The following ITK variants were observed in gnomAD, a reference collection of about 807,000 sequenced individuals.
ITK encodes tyrosine-protein kinase ITK/TSK.
ITK carries 45 observed loss-of-function variants against 87.6 expected under a neutral mutation model. The ratio of observed to expected loss-of-function variants is 0.51; its 90% CI spans 0.40 to 0.66. ITK has a LOEUF of 0.66. Among genes scored for constraint, ITK ranks in the 30% least tolerant of loss-of-function variants. The pLI, the probability that ITK is intolerant of heterozygous loss-of-function variation, is 0.00. For missense variants in ITK, 605 were observed against 766.3 expected, an observed-to-expected ratio of 0.79 and a Z score of 2.48; for synonymous variants, 303 against 273.6, an observed-to-expected ratio of 1.11 and a Z score of -1.06.
chr5:157,216,406 AG>A (rs1261318845), intron 4 of ITK, among the ~76,000 whole-genome samples: 5 of 152,228 alleles, frequency 3.3e-5, no homozygotes, highest in Non-Finnish European at 2.9e-5. Context: ...TGTGGAAAGC[AG>A]TACAGCTGCC....
At position 157,208,891 on chromosome 5, in the gene ITK, G is replaced by T. The variant is rs772972728; in HGVS notation, c.141G>T (p.Lys47Asn). 1.2e-6 allele frequency: 2 copies of T among 1,610,862 alleles called. No individual in the cohort carries two copies. Among genetic ancestry groups the T allele is most frequent in the African/African-American group, 2.7e-5 (2 of 74,878 alleles). The change falls in exon 2 of 17, where the codon AAG (lysine) becomes AAT (asparagine). Residue 47 changes from lysine to asparagine, a missense_variant and splice_region_variant. Coordinates refer to ENST00000422843, the MANE Select transcript of ITK (RefSeq NM_005546.4). ...GGGATGTTCTTCTCTCCCCACAGAAGAAGCGCACGCTGAAGGGGTCCATTG... is the reference window on the plus strand; with the variant it reads ...GGGATGTTCTTCTCTCCCCACAGAATAAGCGCACGCTGAAGGGGTCCATTG... ...SLAYFEDRHG[K>N]KRTLKGSIEL...
chr5:157,197,264 GGT>G (rs1753870506), intron 1 of ITK, among the ~76,000 whole-genome samples: 1 of 152,184 alleles, frequency 6.6e-6, no homozygotes, highest in African/African-American at 2.4e-5. Flanking sequence ...GCAGGTGGCA[GGT>G]GCTCTCTAGC....
chr5:157,224,040 T>C (rs1754481922), intron 6 of ITK, among the ~76,000 whole-genome samples: 1 of 152,172 alleles, frequency 6.6e-6, no homozygotes, highest in Admixed American at 6.5e-5. Context: ...TCCCAGCAGT[T>C]TGGGAGGCCA....
At chr5:157,238,222 A>G (rs1262577672) in intron 9 of ITK, 31 bp downstream of exon 9, 1 of 1,501,630 alleles carries the variant, frequency 6.7e-7, no homozygotes, top group South Asian at 1.1e-5. Context: ...AGCAAAGTGG[A>G]GAGAAACACT....
At chr5:157,250,920 A>G (rs988716481) in intron 16 of ITK, among the ~76,000 whole-genome samples, 11 of 152,192 alleles carry the variant, frequency 7.2e-5, no homozygotes, top group African/African-American at 2.4e-4. Flanking sequence ...CAGTTTGTTT[A>G]TCTATTTACC....
chr5:157,222,160 C>T (rs942418113), intron 5 of ITK, among the ~76,000 whole-genome samples: 4 of 152,196 alleles, frequency 2.6e-5, no homozygotes, highest in African/African-American at 9.7e-5. Context: ...TATTTCCCTA[C>T]ATTTACTCTC....
At chr5:157,222,297 A>G (rs1336189887) in intron 5 of ITK, among the ~76,000 whole-genome samples, 1 of 152,138 alleles carries the variant, frequency 6.6e-6, no homozygotes, top group Admixed American at 6.5e-5. Context: ...GACATCAGCA[A>G]TAGAGCCTAC....
At chr5:157,184,476 G>C (rs1280501456) in intron 1 of ITK, among the ~76,000 whole-genome samples, 2 of 152,162 alleles carry the variant, frequency 1.3e-5, no homozygotes, top group African/African-American at 2.4e-5. Flanking sequence ...AGCATACTTA[G>C]TTGCATGTGA....
chr5:157,246,554 C>T (rs376206184), intron 15 of ITK, among the ~76,000 whole-genome samples: 2 of 152,018 alleles, frequency 1.3e-5, no homozygotes, highest in East Asian at 1.9e-4. Flanking sequence ...TAATAATAAA[C>T]AAGCTAAGGG....
intron 8 of ITK, among the ~76,000 whole-genome samples, chr5:157,236,887 C>T (rs531435015): frequency 6.6e-6 from 1 of 152,112 alleles, no homozygotes; most frequent in Non-Finnish European, 1.5e-5. Flanking sequence ...TTTCCTTCCG[C>T]CCTGCAGCCA....
intron 4 of ITK, among the ~76,000 whole-genome samples, chr5:157,215,720 G>A (rs370186363): frequency 1.2e-3 from 185 of 152,290 alleles, no homozygotes; most frequent in Middle Eastern, 6.8e-3. Context: ...GAGTCACGTG[G>A]CCATCAAGGG....
intron 1 of ITK, among the ~76,000 whole-genome samples, chr5:157,193,582 C>A (rs1277673239): frequency 6.6e-6 from 1 of 152,164 alleles, no homozygotes; most frequent in Non-Finnish European, 1.5e-5. Flanking sequence ...ATCCCCATGT[C>A]ATTTATGAGA....
At chr5:157,186,925 C>T (rs1418578903) in intron 1 of ITK, among the ~76,000 whole-genome samples, 1 of 152,196 alleles carries the variant, frequency 6.6e-6, no homozygotes, top group Non-Finnish European at 1.5e-5. Context: ...TCCTGATGAC[C>T]TTCATCAGAC....
At chr5:157,220,502 T>A (rs148671253) in intron 5 of ITK, among the ~76,000 whole-genome samples, 3 of 152,164 alleles carry the variant, frequency 2.0e-5, no homozygotes, top group Non-Finnish European at 4.4e-5. Context: ...CTGGGCTCTC[T>A]GTGAGGGCCC....
intron 3 of ITK, chr5:157,213,699 T>G (rs1310696954): frequency 2.8e-6 from 1 of 360,098 alleles, no homozygotes; most frequent in Non-Finnish European, 5.4e-6. Flanking sequence ...GTGCCTTATG[T>G]ATGTATTTGT....
At position 157,208,925 on chromosome 5, in the gene ITK, C is replaced by T. The variant is rs946804846; in HGVS notation, c.175C>T (p.Arg59Ter). 2.5e-6 allele frequency: 4 copies of T among 1,613,872 alleles called. No individual in the cohort carries two copies. Among genetic ancestry groups the T allele is most frequent in the African/African-American group, 1.3e-5 (1 of 74,902 alleles). Reference protein sequence around the residue: ...RTLKGSIELSRIKCVEIVKSD... With the variant: ...RTLKGSIELS ...GCTGAAGGGGTCCATTGAGCTCTCC[C>T]GAATCAAATGTGTTGAGATTGTGAA... Residue 59 changes from arginine (R) to a stop codon, truncating the protein, a stop_gained, in exon 2 of 17, where the codon CGA (arginine) becomes TGA (stop). Transcript: ENST00000422843. LOFTEE classifies it high-confidence loss of function.
intron 10 of ITK, chr5:157,240,960 CAG>C (rs903363992): frequency 3.6e-5 from 5 of 137,444 alleles, no homozygotes; most frequent in Non-Finnish European, 7.7e-5. Flanking sequence ...TTTTTTGAGA[CAG>C]AGTTTCGCTC....
chr5:157,239,667 C>G (rs964626695), intron 9 of ITK, among the ~76,000 whole-genome samples: 2 of 152,180 alleles, frequency 1.3e-5, no homozygotes, highest in African/African-American at 4.8e-5. Context: ...TATGTTCATC[C>G]TCTGCAGCTT....
intron 1 of ITK, among the ~76,000 whole-genome samples, chr5:157,188,506 C>G (rs1753689571): frequency 6.6e-6 from 1 of 152,158 alleles, no homozygotes; most frequent in Non-Finnish European, 1.5e-5. Context: ...AGGGCCAGGA[C>G]TAGGGTGAGA....
Sources: gnomAD v4.1 joint callset for allele counts (sites outside exome capture counted in the v4.1 genomes callset) on GRCh38, gnomAD v4.1.1 for gene constraint, MANE v1.5 for transcripts, NCBI Gene and HGNC (gene_info 2026-07-23, HGNC 2026-07-21) for gene names.